PCNP: variants seen among roughly 807,000 people sequenced by gnomAD.
PCNP encodes PEST proteolytic signal-containing nuclear protein.
Under a neutral mutation model 21.8 loss-of-function variants are expected in PCNP, and 6 were observed. The ratio of observed to expected loss-of-function variants is 0.28; its 90% CI spans 0.15 to 0.54. The LOEUF (loss-of-function observed/expected upper bound fraction) is 0.54. Ranked by LOEUF, PCNP falls within the 20% of genes least tolerant of loss-of-function variation. The probability of loss-of-function intolerance (pLI) is 0.95; values close to 1 mark genes in which losing one functional copy is unlikely to be tolerated. For synonymous variants in PCNP, 67 were observed against 73.2 expected (o/e 0.92, Z 0.43); for missense variants, 161 against 215.5 (o/e 0.75, Z 1.58).
At chr3:101,586,324 AGT>A (rs1271173697) in intron 3 of PCNP, among the ~76,000 whole-genome samples, 1 of 152,080 alleles carries the variant, frequency 6.6e-6, no homozygotes, top group Non-Finnish European at 1.5e-5. Flanking sequence ...CTTATCTGAT[AGT>A]GTCTTTGTCC....
At position 101,592,826 on chromosome 3, in the gene PCNP, A is replaced by G. The variant is rs892054474; in HGVS notation, c.*73A>G. Reference sequence around the variant, plus strand: ...ACAGTTTCCTTTTTTAAAGAATGGTATAAGACTATCTTTGGAGCCGCTTTT... The same window carrying G: ...ACAGTTTCCTTTTTTAAAGAATGGTGTAAGACTATCTTTGGAGCCGCTTTT... On this transcript the variant is annotated 3_prime_UTR_variant, in exon 5 of 5. Transcript: ENST00000265260. 2 of 1,343,036 alleles carry G rather than the reference A, an allele frequency of 1.5e-6. No individual in the cohort carries two copies. Among genetic ancestry groups the G allele is most frequent in the South Asian group, 1.7e-5 (1 of 59,544 alleles). The allele number at this position is 1,343,036 out of a possible 1,614,324, so 83.2% of individuals were successfully genotyped here.
Position 101,579,987 on chromosome 3 carries a change from A to G in PCNP, c.262A>G (p.Ile88Val), listed in dbSNP as rs974570940. 6.2e-7 allele frequency: 1 copy of G among 1,613,104 alleles called. No homozygotes were observed. Among genetic ancestry groups the G allele is most frequent in the Non-Finnish European group, 8.5e-7 (1 of 1,179,044 alleles). ...GACAAAGAAAGCATCAGCCATATCCATCAAACTTGGATCAAGTGTGAGTTG... is the reference window on the plus strand; with the variant it reads ...GACAAAGAAAGCATCAGCCATATCCGTCAAACTTGGATCAAGTGTGAGTTG... ...QTTKKASAIS[I>V]KLGSSKPKET... Residue 88 changes from isoleucine to valine, a missense_variant, in exon 2 of 5, where the codon ATC becomes GTC. Coordinates refer to ENST00000265260, the MANE Select transcript of PCNP (RefSeq NM_020357.3).
At chr3:101,585,203 T>G (rs1184754366) in intron 2 of PCNP, among the ~76,000 whole-genome samples, 4 of 152,108 alleles carry the variant, frequency 2.6e-5, no homozygotes, top group African/African-American at 9.7e-5. Flanking sequence ...AACTAGAAAA[T>G]CTTTTATAGG....
intron 1 of PCNP, chr3:101,576,439 T>C: frequency 7.7e-7 from 1 of 1,294,560 alleles, no homozygotes; most frequent in East Asian, 2.6e-5. Context: ...TTATTTTTTA[T>C]TTTTTTCATA....
chr3:101,574,413 C>T, intron 1 of PCNP, 134 bp downstream of exon 1: 1 of 1,130,192 alleles, frequency 8.8e-7, no homozygotes, highest in Non-Finnish European at 1.2e-6. Context: ...GGGCCCAGAC[C>T]TGCCTCGGGC....
intron 3 of PCNP, among the ~76,000 whole-genome samples, chr3:101,586,147 G>T (rs1489104709): frequency 7.4e-6 from 1 of 134,966 alleles, no homozygotes; most frequent in Admixed American, 9.0e-5. Flanking sequence ...CTTCAGCCTG[G>T]GCAACAGAGC....
chr3:101,592,177 T>A (rs758952746), intron 4 of PCNP, among the ~76,000 whole-genome samples: 2 of 151,834 alleles, frequency 1.3e-5, no homozygotes, highest in Non-Finnish European at 2.9e-5. Context: ...TTTTTTGTTT[T>A]TTTGTTTGTT....
At chr3:101,576,447 A>G (rs879186421) in intron 1 of PCNP, 3 of 1,310,754 alleles carry the variant, frequency 2.3e-6, no homozygotes, top group Non-Finnish European at 3.1e-6. Context: ...TATTTTTTTC[A>G]TAGGTATATA....
chr3:101,576,510 C>T (rs1934900242), intron 1 of PCNP: 1 of 1,608,776 alleles, frequency 6.2e-7, no homozygotes, highest in Non-Finnish European at 8.5e-7. Flanking sequence ...TGGACACACC[C>T]ACGGTGCGGC....
chr3:101,574,294 A>G lies in PCNP; in HGVS notation c.64+15A>G. 6.7e-7 allele frequency: 1 copy of G among 1,500,874 alleles called. No individual in the cohort carries two copies. Among genetic ancestry groups the G allele is most frequent in the Non-Finnish European group, 9.0e-7 (1 of 1,115,974 alleles). The allele number at this position is 1,500,874 out of a possible 1,614,324, so 93.0% of individuals were successfully genotyped here. ...AGCCGCCGGAGGTGAACACAACCCCAGCGTCGTGGGCAGCGTGGGATGCTC... is the reference window on the plus strand; with the variant it reads ...AGCCGCCGGAGGTGAACACAACCCCGGCGTCGTGGGCAGCGTGGGATGCTC... On this transcript the variant is annotated intron_variant, in intron 1 of 4. Coordinates refer to ENST00000265260, the MANE Select transcript of PCNP (RefSeq NM_020357.3).
At chr3:101,586,017 A>C (rs929211929) in intron 3 of PCNP, among the ~76,000 whole-genome samples, 3 of 151,992 alleles carry the variant, frequency 2.0e-5, no homozygotes, top group Non-Finnish European at 2.9e-5. Flanking sequence ...CTAAAAATAC[A>C]AAAATTAGAC....
intron 3 of PCNP, among the ~76,000 whole-genome samples, chr3:101,585,738 C>A (rs1449883050): frequency 6.6e-6 from 1 of 152,048 alleles, no homozygotes; most frequent in African/African-American, 2.4e-5. Context: ...AGGATGAAAT[C>A]AGCAAATGTT....
At chr3:101,584,136 A>G (rs1030960674) in intron 2 of PCNP, among the ~76,000 whole-genome samples, 22 of 152,168 alleles carry the variant, frequency 1.4e-4, no homozygotes, top group Admixed American at 6.5e-5. Context: ...ACTTATGAAC[A>G]CTGTGAAACT....
chr3:101,579,728 T>C, intron 1 of PCNP, 62 bp from the exon 2 acceptor site: 1 of 1,130,658 alleles, frequency 8.8e-7, no homozygotes, highest in South Asian at 1.2e-5. Context: ...TTGAGGTTGC[T>C]GCTCCCATCA....
intron 2 of PCNP, 133 bp from the exon 3 acceptor site, chr3:101,585,304 G>T: frequency 1.7e-6 from 1 of 576,420 alleles, no homozygotes; most frequent in Admixed American, 3.6e-5. Flanking sequence ...TTTGTCCAAA[G>T]TATTGGGTTC....
intron 1 of PCNP, among the ~76,000 whole-genome samples, chr3:101,578,106 T>G: frequency 6.6e-6 from 1 of 152,222 alleles, no homozygotes; most frequent in South Asian, 2.1e-4. Flanking sequence ...TAGTCATTCT[T>G]TAGTGTATAG....
intron 1 of PCNP, chr3:101,576,821 C>T: frequency 8.7e-6 from 14 of 1,610,066 alleles, no homozygotes; most frequent in Non-Finnish European, 9.3e-6. Context: ...CTCAACACCA[C>T]ATGAGCATAT....
intron 3 of PCNP, among the ~76,000 whole-genome samples, chr3:101,587,180 G>A (rs1935573189): frequency 6.6e-6 from 1 of 151,602 alleles, no homozygotes; most frequent in East Asian, 1.9e-4. Context: ...AACCTGGGAG[G>A]CAGAGGTTAC....
chr3:101,587,570 A>G (rs1441821476), intron 3 of PCNP, among the ~76,000 whole-genome samples: 2 of 151,794 alleles, frequency 1.3e-5, no homozygotes, highest in Non-Finnish European at 2.9e-5. Context: ...AAACAGTACA[A>G]GATAAAAATC....
Sources: gnomAD v4.1 joint callset for allele counts (sites outside exome capture counted in the v4.1 genomes callset) on GRCh38, gnomAD v4.1.1 for gene constraint, MANE v1.5 for transcripts, NCBI Gene and HGNC (gene_info 2026-07-23, HGNC 2026-07-21) for gene names.